The following PREP variants were observed in gnomAD, a reference collection of about 807,000 sequenced individuals.
The protein encoded by PREP is dJ355L5.1 (prolyl endopeptidase).
In PREP, 29 loss-of-function variants were observed where a neutral mutation model predicts 87.6. The observed-to-expected ratio is 0.33, with a 90% CI of 0.25 to 0.45. The LOEUF is 0.45. Among genes scored for constraint, PREP ranks in the 20% least tolerant of loss-of-function variants. The pLI is 1.00. For missense variants in PREP, 695 were observed against 886.5 expected, an observed-to-expected ratio of 0.78 and a Z score of 2.74; for synonymous variants, 337 against 328.6, an observed-to-expected ratio of 1.03 and a Z score of -0.28.
At chr6:105,359,277 G>A (rs1195638990) in intron 6 of PREP, among the ~76,000 whole-genome samples, 1 of 152,154 alleles carries the variant, frequency 6.6e-6, no homozygotes, top group Admixed American at 6.5e-5. Context: ...CACAGAAAAG[G>A]CCATGTTGTA....
chr6:105,333,579 A>AG, intron 7 of PREP, 74 bp from the exon 8 acceptor site: 2 of 1,433,906 alleles, frequency 1.4e-6, no homozygotes, highest in Non-Finnish European at 2.0e-6. Flanking sequence ...TAGGGAGGGG[A>AG]GGGTGGATCT....
At chr6:105,347,440 T>A (rs1377446531) in intron 7 of PREP, among the ~76,000 whole-genome samples, 2 of 152,246 alleles carry the variant, frequency 1.3e-5, no homozygotes, top group African/African-American at 4.8e-5. Flanking sequence ...TACATACAGT[T>A]GTTTATAATG....
chr6:105,400,400 A>C (rs1185270383), intron 1 of PREP, among the ~76,000 whole-genome samples: 1 of 152,228 alleles, frequency 6.6e-6, no homozygotes, highest in Non-Finnish European at 1.5e-5. Flanking sequence ...CCCCATGCAA[A>C]TTTATCCATC....
At chr6:105,347,356 G>A (rs1771826439) in intron 7 of PREP, among the ~76,000 whole-genome samples, 1 of 152,076 alleles carries the variant, frequency 6.6e-6, no homozygotes, top group Admixed American at 6.5e-5. Context: ...CCTGGCACAG[G>A]GTAGGACATT....
In PREP at chr6:105,341,974, A is replaced by T. The variant is rs1771665641; in HGVS notation, c.824-8469T>A. Among the ~76,000 whole-genome samples, 4 of 152,214 alleles carry T rather than the reference A, an allele frequency of 2.6e-5. No individual in the cohort carries two copies. In the South Asian group the frequency reaches 8.3e-4, roughly 31 times the overall value. On this transcript the variant is annotated intron_variant, in intron 7 of 14. Coordinates refer to ENST00000652536, the MANE Select transcript of PREP (RefSeq NM_002726.5). ...AGAGGTACAAAGAGGAGCTGGTACCATTCCTTCTGAAACTATTCCAATCAA... is the reference window on the plus strand; with the variant it reads ...AGAGGTACAAAGAGGAGCTGGTACCTTTCCTTCTGAAACTATTCCAATCAA...
chr6:105,400,330 G>A (rs919724306), intron 1 of PREP, among the ~76,000 whole-genome samples: 13 of 152,266 alleles, frequency 8.5e-5, no homozygotes, highest in Admixed American at 3.9e-4. Flanking sequence ...TCAGGATAAA[G>A]TGCAGACTCG....
At chr6:105,343,363 T>C (rs1053956807) in intron 7 of PREP, among the ~76,000 whole-genome samples, 4 of 152,144 alleles carry the variant, frequency 2.6e-5, no homozygotes, top group African/African-American at 7.2e-5. Flanking sequence ...TTATACCTTA[T>C]ACAAAAATTA....
intron 1 of PREP, 78 bp from the exon 2 acceptor site, chr6:105,398,005 G>A: frequency 8.7e-7 from 1 of 1,152,322 alleles, no homozygotes; most frequent in Non-Finnish European, 1.3e-6. Context: ...ATGTAATGGA[G>A]AAATAGGAAA....
intron 10 of PREP, among the ~76,000 whole-genome samples, chr6:105,299,563 C>T (rs938326194): frequency 1.3e-5 from 2 of 152,170 alleles, no homozygotes; most frequent in Non-Finnish European, 2.9e-5. Flanking sequence ...TGCGTCATTA[C>T]ACTCCAGCCT....
At chr6:105,338,538 T>A (rs531553025) in intron 7 of PREP, among the ~76,000 whole-genome samples, 123 of 152,326 alleles carry the variant, frequency 8.1e-4, no homozygotes, top group African/African-American at 2.9e-3. Flanking sequence ...TCACTGGGGC[T>A]TGTCAGACAG....
chr6:105,335,796 G>A (rs906329475), intron 7 of PREP, among the ~76,000 whole-genome samples: 5 of 152,154 alleles, frequency 3.3e-5, no homozygotes, highest in Admixed American at 2.0e-4. Context: ...GGGAGGCTGA[G>A]GCAGGAGAAT....
chr6:105,322,328 A>G, intron 10 of PREP: 2 of 919,672 alleles, frequency 2.2e-6, no homozygotes, highest in Non-Finnish European at 2.6e-6. Flanking sequence ...TTCTATTGCC[A>G]GATCTTGAAT....
chr6:105,321,441 C>T (rs1033519385), intron 10 of PREP, among the ~76,000 whole-genome samples: 2 of 152,240 alleles, frequency 1.3e-5, no homozygotes, highest in African/African-American at 2.4e-5. Flanking sequence ...CGCCGAAGCG[C>T]ATGTTCTCCA....
chr6:105,392,425 G>C (rs1353002650), intron 2 of PREP, among the ~76,000 whole-genome samples: 2 of 152,120 alleles, frequency 1.3e-5, no homozygotes, highest in East Asian at 3.9e-4. Context: ...ATTTATACCA[G>C]TGAAATTACA....
At chr6:105,280,423 T>TA (rs1437829712) in intron 14 of PREP, among the ~76,000 whole-genome samples, 1 of 152,200 alleles carries the variant, frequency 6.6e-6, no homozygotes, top group African/African-American at 2.4e-5. Flanking sequence ...ATAAAACTCT[T>TA]ACATATGGGG....
At chr6:105,370,614 G>A (rs1373305381) in intron 5 of PREP, among the ~76,000 whole-genome samples, 2 of 152,112 alleles carry the variant, frequency 1.3e-5, no homozygotes, top group Non-Finnish European at 2.9e-5. Flanking sequence ...CTAAAACTTG[G>A]AAGCAACTGA....
intron 10 of PREP, among the ~76,000 whole-genome samples, chr6:105,309,532 T>G (rs895034906): frequency 6.6e-6 from 1 of 152,166 alleles, no homozygotes; most frequent in Non-Finnish European, 1.5e-5. Context: ...GTATTTTTAG[T>G]AGAGATGGGG....
chr6:105,400,540 A>C (rs548936909), intron 1 of PREP, among the ~76,000 whole-genome samples: 2 of 152,190 alleles, frequency 1.3e-5, no homozygotes, highest in African/African-American at 4.8e-5. Context: ...TCCCTTACCC[A>C]ACTGGTCAAC....
At chr6:105,354,825 C>T (rs929520504) in intron 6 of PREP, among the ~76,000 whole-genome samples, 1 of 152,158 alleles carries the variant, frequency 6.6e-6, no homozygotes, top group Non-Finnish European at 1.5e-5. Context: ...TACACACATC[C>T]TATTAGCTCT....
Sources: allele counts gnomAD v4.1 joint callset (sites outside exome capture counted in the v4.1 genomes callset), GRCh38; gene constraint gnomAD v4.1.1; transcripts MANE v1.5; gene names NCBI Gene and HGNC (gene_info 2026-07-23, HGNC 2026-07-21).